SRGAP3: variants seen among roughly 807,000 people sequenced by gnomAD.
SRGAP3 encodes the protein SLIT-ROBO Rho GTPase-activating protein 3.
SRGAP3 carries 39 observed loss-of-function variants against 121.1 expected under a neutral mutation model. That is an observed-to-expected ratio of 0.32 (90% CI 0.25 to 0.42). The LOEUF is 0.42. Ranked by LOEUF, SRGAP3 falls within the 10% of genes least tolerant of loss-of-function variation. SRGAP3 has a pLI of 1.00. For missense variants in SRGAP3, 1,213 were observed against 1,470.6 expected (o/e 0.82, Z 2.86); for synonymous variants, 601 against 570.0 (o/e 1.05, Z -0.77).
At chr3:9,270,258 A>G (rs1954447103) in intron 3 of SRGAP3, among the ~76,000 whole-genome samples, 1 of 152,260 alleles carries the variant, frequency 6.6e-6, no homozygotes, top group Admixed American at 6.5e-5. Flanking sequence ...TATAATTAGA[A>G]AAAACACATT....
chr3:9,058,146 C>T (rs1560030949), intron 7 of SRGAP3, 105 bp downstream of exon 7: 49 of 1,238,086 alleles, frequency 4.0e-5, no homozygotes, highest in East Asian at 3.8e-4. Flanking sequence ...TGACCCCAGG[C>T]GTCGGATAGA....
intron 18 of SRGAP3, among the ~76,000 whole-genome samples, chr3:9,006,619 G>C (rs1471304362): frequency 1.3e-5 from 2 of 152,130 alleles, no homozygotes. Context: ...CAGACCAACA[G>C]GGGGAGGAGT....
At chr3:9,225,105 G>C (rs1390510141) in intron 1 of SRGAP3, among the ~76,000 whole-genome samples, 3 of 152,152 alleles carry the variant, frequency 2.0e-5, no homozygotes, top group African/African-American at 7.2e-5. Flanking sequence ...AAAAGATTCA[G>C]TTCTCTGTCT....
At chr3:9,015,536 G>A in intron 15 of SRGAP3, 61 bp downstream of exon 15, 1 of 1,606,350 alleles carries the variant, frequency 6.2e-7, no homozygotes, top group South Asian at 1.1e-5. Flanking sequence ...CAGTAAGCCT[G>A]TAGCTCAACT....
At chr3:9,229,366 T>C (rs1953116755) in intron 1 of SRGAP3, among the ~76,000 whole-genome samples, 1 of 152,160 alleles carries the variant, frequency 6.6e-6, no homozygotes, top group Non-Finnish European at 1.5e-5. Context: ...AGGGGTCAGA[T>C]ACTCCAGCTG....
At chr3:9,085,583 T>C (rs903336298) in intron 3 of SRGAP3, among the ~76,000 whole-genome samples, 2 of 152,030 alleles carry the variant, frequency 1.3e-5, no homozygotes, top group African/African-American at 4.8e-5. Context: ...CAATGATAGA[T>C]TAGAAAAAGA....
intron 1 of SRGAP3, among the ~76,000 whole-genome samples, chr3:9,196,437 C>T (rs1951917928): frequency 2.6e-5 from 4 of 152,186 alleles, no homozygotes; most frequent in Admixed American, 2.6e-4. Context: ...TGGATGAAAG[C>T]TTTCAGTTGT....
intron 3 of SRGAP3, among the ~76,000 whole-genome samples, chr3:9,287,907 T>C (rs961059881): frequency 3.9e-5 from 6 of 152,176 alleles, no homozygotes; most frequent in African/African-American, 1.4e-4. Context: ...TGAAGTTTCA[T>C]TTGTGATGTA....
intron 3 of SRGAP3, among the ~76,000 whole-genome samples, chr3:9,255,446 A>G (rs1309013693): frequency 2.6e-5 from 4 of 152,184 alleles, no homozygotes; most frequent in African/African-American, 9.7e-5. Context: ...TGGCCCCCAA[A>G]ACCCCCAAGC....
Position 9,231,125 on chromosome 3 carries a change from T to C in SRGAP3, c.67+17760A>G, listed in dbSNP as rs546405458. Among the ~76,000 whole-genome samples the C allele has an allele frequency of 7.2e-5, 11 of 152,222 alleles. No individual in the cohort carries two copies. In the South Asian group the frequency reaches 2.3e-3, roughly 32 times the overall value. On this transcript the variant is annotated intron_variant, in intron 1 of 21. Transcript: ENST00000383836. ...GAAGTTTTCCCACTTCCAGGGGAAA[T>C]AGGGACTTTGTGGTTTATCGGCCAA...
intron 3 of SRGAP3, among the ~76,000 whole-genome samples, chr3:9,264,714 A>G (rs1355748116): frequency 1.3e-5 from 2 of 152,228 alleles, no homozygotes; most frequent in Non-Finnish European, 2.9e-5. Flanking sequence ...GCTCAAGGAA[A>G]TAAGAGAGGA....
chr3:8,990,487 A>C (rs1369338518), intron 21 of SRGAP3, 25 bp downstream of exon 21: 2 of 1,549,762 alleles, frequency 1.3e-6, no homozygotes. Flanking sequence ...TTGGCTGCCC[A>C]GCCTGCCTTC....
At chr3:9,241,213 T>G (rs1953624249) in intron 1 of SRGAP3, among the ~76,000 whole-genome samples, 1 of 151,810 alleles carries the variant, frequency 6.6e-6, no homozygotes, top group South Asian at 2.1e-4. Context: ...AATTAGATAC[T>G]CCATATATGA....
At chr3:9,360,504 G>A (rs2030739836) in intron 1 of SRGAP3, among the ~76,000 whole-genome samples, 1 of 152,162 alleles carries the variant, frequency 6.6e-6, no homozygotes, top group Non-Finnish European at 1.5e-5. Context: ...TTTTCCAATG[G>A]ACGTGTATTA....
chr3:9,105,866 T>C (rs1349390969), intron 2 of SRGAP3, among the ~76,000 whole-genome samples: 1 of 152,210 alleles, frequency 6.6e-6, no homozygotes, highest in Non-Finnish European at 1.5e-5. Flanking sequence ...CTACGGAACA[T>C]CATAGTTTAG....
chr3:9,070,519 G>A (rs545494972), intron 4 of SRGAP3, among the ~76,000 whole-genome samples: 4 of 152,350 alleles, frequency 2.6e-5, no homozygotes, highest in Admixed American at 6.5e-5. Flanking sequence ...TGAATGACTG[G>A]CTGGGCTGGC....
chr3:9,345,432 T>C lies in SRGAP3; in HGVS notation n.215-14836A>G, dbSNP rs1048206774. On this transcript the variant is annotated intron_variant and non_coding_transcript_variant, in intron 1 of 3. Coordinates refer to the SRGAP3 transcript ENST00000490889. ...AGGAAGTGAAGGCTACAGTGAGCCA[T>C]AAACACACCACTGCACTCCAGCCTG... Among the ~76,000 whole-genome samples, 19 of 149,690 alleles carry C rather than the reference T, an allele frequency of 1.3e-4. No individual in the cohort carries two copies. The East Asian group carries it at 3.8e-3, about 30-fold the overall frequency.
At chr3:9,298,039 G>A (rs921376379) in intron 3 of SRGAP3, among the ~76,000 whole-genome samples, 1 of 152,194 alleles carries the variant, frequency 6.6e-6, no homozygotes, top group African/African-American at 2.4e-5. Flanking sequence ...CTGACACCTT[G>A]ATCTTGGACT....
intron 2 of SRGAP3, among the ~76,000 whole-genome samples, chr3:9,107,488 C>T (rs773825886): frequency 6.6e-6 from 1 of 152,228 alleles, no homozygotes; most frequent in Non-Finnish European, 1.5e-5. Flanking sequence ...GCCTGGAATA[C>T]CACAGTCCCT....
Sources: allele counts gnomAD v4.1 joint callset (sites outside exome capture counted in the v4.1 genomes callset), GRCh38; gene constraint gnomAD v4.1.1; transcripts MANE v1.5; gene names NCBI Gene and HGNC (gene_info 2026-07-23, HGNC 2026-07-21).